The following CYSLTR1 variants were observed in gnomAD, a reference collection of about 807,000 sequenced individuals.
CYSLTR1 encodes the protein G-protein coupled receptor HG55.
Under a neutral mutation model 2.1 loss-of-function variants are expected in CYSLTR1, and 1 was observed. The observed-to-expected ratio is 0.48, with a 90% CI of 0.17 to 2.28. CYSLTR1 has a LOEUF of 2.28. Among genes scored for constraint, CYSLTR1 ranks in the 30% most tolerant of loss-of-function variants. CYSLTR1 has a pLI of 0.26. For synonymous variants in CYSLTR1, 110 were observed against 89.6 expected (o/e 1.23, Z -1.28); for missense variants, 299 against 250.1 (o/e 1.20, Z -1.32).
chrX:78,291,271 A>G (rs374933689), intron 1 of CYSLTR1, among the ~76,000 whole-genome samples: 2 of 111,572 alleles, frequency 1.8e-5, no homozygotes, highest in African/African-American at 3.3e-5. Context: ...ATTGATTTGC[A>G]TATGTCGAAC....
At chrX:78,285,838 T>C (rs1014118127) in intron 1 of CYSLTR1, among the ~76,000 whole-genome samples, 1 of 111,981 alleles carries the variant, frequency 8.9e-6, no homozygotes, top group Non-Finnish European at 1.9e-5. Context: ...TTCAGTTCCT[T>C]GAGGACTCTT....
chrX:78,314,499 T>C (rs1923333799), intron 1 of CYSLTR1, among the ~76,000 whole-genome samples: 1 of 111,462 alleles, frequency 9.0e-6, no homozygotes, highest in Non-Finnish European at 1.9e-5. Flanking sequence ...TAATTTCATA[T>C]TGCAGAAAGA....
intron 1 of CYSLTR1, among the ~76,000 whole-genome samples, chrX:78,317,621 T>G (rs1041852138): frequency 5.3e-5 from 6 of 112,480 alleles, no homozygotes; most frequent in Non-Finnish European, 1.1e-4. Flanking sequence ...ATGTTGTATA[T>G]CTACACCATA....
At chrX:78,300,495 G>T (rs990188522) in intron 1 of CYSLTR1, among the ~76,000 whole-genome samples, 1 of 112,962 alleles carries the variant, frequency 8.9e-6, no homozygotes, top group Non-Finnish European at 1.9e-5. Context: ...AACTGTATCT[G>T]CTTTAGGGGG....
At chrX:78,304,125 G>T (rs770429081) in intron 1 of CYSLTR1, among the ~76,000 whole-genome samples, 4 of 111,656 alleles carry the variant, frequency 3.6e-5, no homozygotes, top group Non-Finnish European at 7.5e-5. Context: ...GCTTGGTCAG[G>T]CACTCTAAAG....
At chrX:78,280,230 T>A (rs1215700609) in intron 2 of CYSLTR1, among the ~76,000 whole-genome samples, 1 of 111,430 alleles carries the variant, frequency 9.0e-6, no homozygotes. Context: ...GGTTGTGAAC[T>A]CAGGTGTAGT....
intron 1 of CYSLTR1, among the ~76,000 whole-genome samples, chrX:78,293,445 A>G (rs1922441996): frequency 9.0e-6 from 1 of 111,177 alleles, no homozygotes. Context: ...TGAATCTGAC[A>G]ATTATGTATC....
chrX:78,306,149 A>G (rs944778049), intron 1 of CYSLTR1, among the ~76,000 whole-genome samples: 3 of 111,832 alleles, frequency 2.7e-5, no homozygotes, highest in African/African-American at 9.8e-5. Context: ...AAACACTAGA[A>G]CTTATGGTCG....
intron 1 of CYSLTR1, chrX:78,320,678 T>C (rs1225052716): frequency 8.9e-6 from 1 of 111,877 alleles, no homozygotes; most frequent in African/African-American, 3.3e-5. Context: ...GGGGATGGCA[T>C]TGAATCTATA....
intron 1 of CYSLTR1, among the ~76,000 whole-genome samples, chrX:78,302,461 T>C (rs1922860361): frequency 9.0e-6 from 1 of 111,508 alleles, no homozygotes; most frequent in Non-Finnish European, 1.9e-5. Flanking sequence ...TTTTTACTTC[T>C]CCCTCTGCTT....
At chrX:78,313,918 C>T (rs924318156) in intron 1 of CYSLTR1, among the ~76,000 whole-genome samples, 8 of 111,508 alleles carry the variant, frequency 7.2e-5, no homozygotes, top group African/African-American at 2.6e-4. Context: ...TAGAGGGTGA[C>T]ATAGATGAAT....
intron 1 of CYSLTR1, among the ~76,000 whole-genome samples, chrX:78,300,496 C>T (rs1922772196): frequency 8.9e-6 from 1 of 112,982 alleles, no homozygotes; most frequent in Non-Finnish European, 1.9e-5. Flanking sequence ...ACTGTATCTG[C>T]TTTAGGGGGC....
chrX:78,306,661 G>C (rs954517311), intron 1 of CYSLTR1, among the ~76,000 whole-genome samples: 2 of 111,939 alleles, frequency 1.8e-5, no homozygotes, highest in Admixed American at 1.9e-4. Flanking sequence ...AGATTGGTCT[G>C]AGTTTGAATC....
chrX:78,276,306 T>C (rs956770710), intron 2 of CYSLTR1, among the ~76,000 whole-genome samples: 1 of 111,838 alleles, frequency 8.9e-6, no homozygotes, highest in African/African-American at 3.2e-5. Flanking sequence ...TTTTATTCTT[T>C]ACAAAGGTTG....
At chrX:78,293,545 T>C (rs1472872417) in intron 1 of CYSLTR1, among the ~76,000 whole-genome samples, 1 of 111,958 alleles carries the variant, frequency 8.9e-6, no homozygotes, top group African/African-American at 3.2e-5. Context: ...GTTGGGGAAG[T>C]TCTCTTGGAT....
chrX:78,284,697 T>C (rs1184377001), intron 1 of CYSLTR1, among the ~76,000 whole-genome samples: 4 of 105,567 alleles, frequency 3.8e-5, no homozygotes, highest in African/African-American at 1.4e-4. Flanking sequence ...CCACTACACC[T>C]GGCCCCTTCG....
intron 1 of CYSLTR1, among the ~76,000 whole-genome samples, chrX:78,291,553 T>A (rs1922328481): frequency 9.0e-6 from 1 of 111,516 alleles, no homozygotes; most frequent in Non-Finnish European, 1.9e-5. Context: ...GCTCCTGTTT[T>A]TGTCTCTGGT....
chrX:78,289,191 C>T, intron 1 of CYSLTR1, among the ~76,000 whole-genome samples: 2 of 109,488 alleles, frequency 1.8e-5, no homozygotes, highest in East Asian at 5.8e-4. Context: ...TTGGTTCCCA[C>T]CTATGAGTGA....
chrX:78,284,759 T>A (rs867499698), intron 1 of CYSLTR1, among the ~76,000 whole-genome samples: 78 of 72,979 alleles, frequency 1.1e-3, no homozygotes, highest in Middle Eastern at 6.8e-3. Context: ...AGAACTCTAC[T>A]AAAAAAAAAA....
Sources: gnomAD v4.1 joint callset for allele counts (sites outside exome capture counted in the v4.1 genomes callset) on GRCh38, gnomAD v4.1.1 for gene constraint, MANE v1.5 for transcripts, NCBI Gene and HGNC (gene_info 2026-07-23, HGNC 2026-07-21) for gene names.